The following USP34 variants were observed in gnomAD, a reference collection of about 807,000 sequenced individuals.
The protein encoded by USP34 is ubiquitin carboxyl-terminal hydrolase 34.
A neutral mutation model predicts 460.3 loss-of-function variants in USP34; 70 were observed. The observed-to-expected ratio is 0.15, with a 90% CI of 0.13 to 0.19. The LOEUF (loss-of-function observed/expected upper bound fraction) is 0.19, where lower values mean the gene tolerates loss of function less well. Ranked by LOEUF, USP34 falls within the 10% of genes least tolerant of loss-of-function variation. USP34 has a pLI of 1.00. For missense variants in USP34, 3,985 were observed against 4,236.2 expected, an observed-to-expected ratio of 0.94 and a Z score of 1.65; for synonymous variants, 1,647 against 1,405.3, an observed-to-expected ratio of 1.17 and a Z score of -3.85.
At chr2:61,267,115 T>C (rs1018927463) in intron 41 of USP34, among the ~76,000 whole-genome samples, 3 of 152,216 alleles carry the variant, frequency 2.0e-5, no homozygotes, top group Admixed American at 6.5e-5. Flanking sequence ...GGAACTCCAA[T>C]GGAAGACAAC....
At position 61,350,628 on chromosome 2, in the gene USP34, T is replaced by C. The variant is rs1355676475; in HGVS notation, c.1317A>G (p.Val439=). Residue 439 remains valine (V), a synonymous_variant, in exon 11 of 80, where the codon GTA becomes GTG. Transcript: ENST00000398571. ...CCAGATTAAGTAGATGTCTAAGTGG[T>C]ACGGGATCCAAATTCTTGATGAGTG... The part of the protein sequence containing the change: ...FPSLIKNLDP[V]PLRHLLNLVS... 2 of 1,613,832 alleles carry C rather than the reference T, an allele frequency of 1.2e-6. No homozygotes were observed. The highest frequency in any genetic ancestry group is 4.5e-5 in the East Asian group (2 of 44,834).
chr2:61,396,735 G>C (rs1050308696), intron 3 of USP34, among the ~76,000 whole-genome samples: 2 of 151,938 alleles, frequency 1.3e-5, no homozygotes, highest in Non-Finnish European at 2.9e-5. Context: ...TGATCCACCC[G>C]CCTCGGCCTC....
intron 53 of USP34, 73 bp downstream of exon 53, chr2:61,241,487 T>G: frequency 9.1e-7 from 1 of 1,097,574 alleles, no homozygotes; most frequent in Non-Finnish European, 1.3e-6. Flanking sequence ...GAACCTGTTC[T>G]TACACTACAG....
chr2:61,439,163 A>G (rs1292235101), intron 1 of USP34, among the ~76,000 whole-genome samples: 5 of 152,136 alleles, frequency 3.3e-5, no homozygotes, highest in African/African-American at 1.2e-4. Flanking sequence ...TGTAATCCCA[A>G]CACTTTGGGA....
intron 1 of USP34, among the ~76,000 whole-genome samples, chr2:61,440,868 C>A (rs948714540): frequency 2.6e-5 from 4 of 151,574 alleles, no homozygotes; most frequent in Non-Finnish European, 5.9e-5. Flanking sequence ...TGGCTCACGC[C>A]TGTAATCTCA....
At position 61,219,578 on chromosome 2, in the gene USP34, A is replaced by G. The variant is rs544595941; in HGVS notation, c.8047+732T>C. Among the ~76,000 whole-genome samples the G allele has an allele frequency of 4.6e-5, 7 of 152,100 alleles. No individual in the cohort carries two copies. The South Asian group carries it at 1.5e-3, about 32-fold the overall frequency. On this transcript the variant is annotated intron_variant, in intron 67 of 79. Coordinates refer to ENST00000398571, the MANE Select transcript of USP34 (RefSeq NM_014709.4). ...CTGAGCTACTCAGGAGGCTGAGGTGAAAGAATCAGTTGAATTCAACAGGCA... is the reference window on the plus strand; with the variant it reads ...CTGAGCTACTCAGGAGGCTGAGGTGGAAGAATCAGTTGAATTCAACAGGCA...
chr2:61,192,731 C>T (rs143734320), intron 76 of USP34, among the ~76,000 whole-genome samples, 170 bp downstream of exon 76: 86 of 152,296 alleles, frequency 5.6e-4, no homozygotes, highest in African/African-American at 2.0e-3. Context: ...CAAAGGGAAA[C>T]TAGATGCCTA....
intron 1 of USP34, among the ~76,000 whole-genome samples, chr2:61,434,383 C>T (rs1054396489): frequency 6.6e-6 from 1 of 152,136 alleles, no homozygotes; most frequent in Admixed American, 6.5e-5. Flanking sequence ...CACCTGTGTC[C>T]TAGACCTGAG....
rs774569888 is a variant in USP34 at position 61,301,517 on chromosome 2, A to T, written c.3818-63T>A. 8 of 1,423,402 alleles carry T rather than the reference A, an allele frequency of 5.6e-6. No homozygotes were observed. The Admixed American group carries it at 1.4e-4, about 25-fold the overall frequency. 88.2% of individuals were successfully genotyped at this position (1,423,402 alleles called of 1,614,324 possible). On this transcript the variant is annotated intron_variant, in intron 27 of 79. Transcript: ENST00000398571. ...AAGAATTAACTTACTTGCTGATAAG[A>T]ATATGTAGTTGTAGCAATTAAACAC... is the stretch of plus-strand genomic sequence containing the variant.
intron 10 of USP34, among the ~76,000 whole-genome samples, chr2:61,364,810 A>T (rs770810493): frequency 3.9e-5 from 6 of 151,956 alleles, no homozygotes; most frequent in Non-Finnish European, 7.4e-5. Flanking sequence ...CACGTCTGTA[A>T]TCCCAGCTAC....
At chr2:61,436,984 C>T (rs920118169) in intron 1 of USP34, among the ~76,000 whole-genome samples, 2 of 152,164 alleles carry the variant, frequency 1.3e-5, no homozygotes, top group Non-Finnish European at 2.9e-5. Flanking sequence ...AAAATAATGT[C>T]TTGAAACAAA....
At chr2:61,265,778 T>G (rs1689027919) in intron 42 of USP34, 5 of 701,750 alleles carry the variant, frequency 7.1e-6, no homozygotes, top group Non-Finnish European at 1.0e-5. Flanking sequence ...CCAAATTACT[T>G]TTACAGAAAA....
At chr2:61,311,460 G>C in intron 27 of USP34, 80 bp downstream of exon 27, 1 of 102,598 alleles carries the variant, frequency 9.7e-6, no homozygotes, top group Non-Finnish European at 1.6e-5. Context: ...AAAAGAAAAG[G>C]AAAGGAGAAA....
intron 1 of USP34, among the ~76,000 whole-genome samples, chr2:61,452,167 C>T (rs1176810756): frequency 1.3e-5 from 2 of 149,098 alleles, no homozygotes; most frequent in Admixed American, 6.6e-5. Context: ...GAGCGAGACT[C>T]CGTCTCAAAA....
chr2:61,391,621 T>C (rs374725579), intron 5 of USP34, among the ~76,000 whole-genome samples: 2 of 152,308 alleles, frequency 1.3e-5, no homozygotes, highest in African/African-American at 4.8e-5. Context: ...GACCTCACCC[T>C]ATTGAAGCCA....
At chr2:61,396,025 C>G (rs1693512672) in intron 3 of USP34, among the ~76,000 whole-genome samples, 1 of 151,040 alleles carries the variant, frequency 6.6e-6, no homozygotes, top group Non-Finnish European at 1.5e-5. Flanking sequence ...CCATTACACT[C>G]CATCCTGGGT....
chr2:61,351,052 A>C (rs1572959240), intron 10 of USP34, among the ~76,000 whole-genome samples: 1 of 152,176 alleles, frequency 6.6e-6, no homozygotes, highest in African/African-American at 2.4e-5. Context: ...GTGAGACCTC[A>C]TCTCTGTAAA....
intron 28 of USP34, 61 bp downstream of exon 28, chr2:61,301,293 A>G: frequency 6.4e-7 from 1 of 1,553,324 alleles, no homozygotes; most frequent in East Asian, 2.3e-5. Context: ...TACATCTGCG[A>G]CTATTCAACT....
intron 31 of USP34, 21 bp from the exon 32 acceptor site, chr2:61,295,053 G>C: frequency 6.2e-7 from 1 of 1,607,740 alleles, no homozygotes; most frequent in Non-Finnish European, 8.5e-7. Flanking sequence ...GGCAAAAAAA[G>C]TAAGGCAGAA....
Sources: gnomAD v4.1 joint callset for allele counts (sites outside exome capture counted in the v4.1 genomes callset) on GRCh38, gnomAD v4.1.1 for gene constraint, MANE v1.5 for transcripts, NCBI Gene and HGNC (gene_info 2026-07-23, HGNC 2026-07-21) for gene names.